Variants in UBR2 observed in about 807,000 individuals in gnomAD.
UBR2 encodes the protein ubiquitin protein ligase E3 component n-recognin 2, also known as E3 ubiquitin-protein ligase UBR2.
Under a neutral mutation model 247.9 loss-of-function variants are expected in UBR2, and 92 were observed. The ratio of observed to expected loss-of-function variants is 0.37; its 90% confidence interval spans 0.31 to 0.44. UBR2 has a LOEUF of 0.44. UBR2 is among the 20% of genes least tolerant of loss of function. The pLI is 1.00. For missense variants in UBR2, 1,613 were observed against 2,112.6 expected (o/e 0.76, Z 4.64); for synonymous variants, 672 against 693.5 (o/e 0.97, Z 0.49).
Position 42,635,465 on chromosome 6 carries a change from A to G in UBR2, c.1593A>G (p.Glu531=), listed in dbSNP as rs1796031079. 1 of 1,613,868 alleles carries G rather than the reference A, an allele frequency of 6.2e-7. No individual in the cohort carries two copies. The highest frequency in any genetic ancestry group is 1.7e-5 in the Admixed American group (1 of 60,002). The change falls in exon 14 of 47, where the codon GAA becomes GAG. Residue 531 remains glutamate (E), a synonymous_variant. Coordinates refer to ENST00000372901, the MANE Select transcript of UBR2 (RefSeq NM_001363705.2). ...AAGTAGGACAACATATTGAAATGGAACCAGAGTGGGAAGCAGCCTTCACAC... is the reference window on the plus strand; with the variant it reads ...AAGTAGGACAACATATTGAAATGGAGCCAGAGTGGGAAGCAGCCTTCACAC... ...TRQVGQHIEM[E]PEWEAAFTLQ... is the part of the protein sequence containing the mutation.
intron 16 of UBR2, 113 bp downstream of exon 16, chr6:42,640,383 G>GGGGTGTGTGTGT (rs1327619830): frequency 5.8e-6 from 1 of 171,016 alleles, no homozygotes; most frequent in Non-Finnish European, 1.0e-5. Context: ...GAACCAGTAA[G>GGGGTGTGTGTGT]GTGTGTGTGT....
rs1242613945 is a variant in UBR2 at position 42,564,099 on chromosome 6, C to G, written c.-221C>G. ...CCCTGGGTCAGGGACGAGCCAGTGA[C>G]TTGACTCTTGGGCGCTAAGCTTGGG... On this transcript the variant is annotated 5_prime_UTR_variant, in exon 1 of 47. Transcript: ENST00000372901. 1.8e-6 allele frequency: 1 copy of G among 559,576 alleles called. No individual in the cohort carries two copies. Among genetic ancestry groups the G allele is most frequent in the Non-Finnish European group, 3.1e-6 (1 of 322,380 alleles). The allele number at this position is 559,576 out of a possible 1,614,324, so 34.7% of individuals were successfully genotyped here. A position where few individuals can be genotyped will look rare whatever the true frequency, so the allele number is the denominator to read the frequency against.
intron 5 of UBR2, 52 bp from the exon 6 acceptor site, chr6:42,605,669 G>T (rs1014134764): frequency 1.0e-5 from 16 of 1,544,980 alleles, no homozygotes; most frequent in African/African-American, 1.4e-5. Context: ...AGTCAGCCTG[G>T]AGCAAGATAA....
Position 42,652,022 on chromosome 6 carries a change from G to A in UBR2, c.2566-1G>A. Reference sequence around the variant, plus strand: ...GTCCAAATAACTTTATTTTTTATTAGGCAGAAGAAGCGCAACGGAAATTGA... The same window carrying A: ...GTCCAAATAACTTTATTTTTTATTAAGCAGAAGAAGCGCAACGGAAATTGA... On this transcript the variant is annotated splice_acceptor_variant, in intron 23 of 46. Coordinates refer to ENST00000372901, the MANE Select transcript of UBR2 (RefSeq NM_001363705.2). LOFTEE classifies it high-confidence loss of function. 6.3e-7 allele frequency: 1 copy of A among 1,590,460 alleles called. No individual in the cohort carries two copies. The highest frequency in any genetic ancestry group is 8.5e-7 in the Non-Finnish European group (1 of 1,171,792).
rs767462564 is a variant in UBR2 at position 42,564,395 on chromosome 6, G to T, written c.76G>T (p.Gly26Trp). The stretch of plus-strand genomic sequence containing the variant: ...GGAATGTTCGGCCGAGGAGATTGCG[G>T]GGGTGAGTGCCGGAACCCGGGCGGG... ...LLECSAEEIA[G>W]KWLQATDLTR... Residue 26 changes from glycine (G) to tryptophan (W), a missense_variant and splice_region_variant, in exon 1 of 47, where the codon GGG (glycine) becomes TGG (tryptophan). Physicochemically the swap from Gly to Trp is radical, Grantham distance 184. Transcript: ENST00000372901. 1.2e-6 allele frequency: 2 copies of T among 1,609,626 alleles called. No individual in the cohort carries two copies. The highest frequency in any genetic ancestry group is 4.5e-5 in the East Asian group (2 of 44,522).
Position 42,665,552 on chromosome 6 carries a change from C to T in UBR2, c.3802+40C>T, listed in dbSNP as rs368044392. The T allele has an allele frequency of 2.0e-5, 28 of 1,435,558 alleles. 1 individual carries two copies. The highest frequency in any genetic ancestry group is 1.9e-4 in the South Asian group (15 of 79,156). 88.9% of individuals were successfully genotyped at this position (1,435,558 alleles called of 1,614,324 possible). A position where few individuals can be genotyped will look rare whatever the true frequency, so the allele number is the denominator to read the frequency against. ...CCTGTTTTCATTTTTCCCTAAAGTC[C>T]GAGGTCATCAGAAAATGTATTTCCA... On this transcript the variant is annotated intron_variant, in intron 33 of 46. Transcript: ENST00000372901.
rs1448054168 is a variant in UBR2 at position 42,612,255 on chromosome 6, CTT to C, written c.952_953del (p.Leu318ValfsTer29). The C allele has an allele frequency of 6.5e-7, 1 of 1,539,776 alleles. No homozygotes were observed. Among genetic ancestry groups the C allele is most frequent in the Non-Finnish European group, 8.9e-7 (1 of 1,127,848 alleles). Reference sequence around the variant, plus strand: ...CGCACATCAGAATTTTGGTTTGAAACTTTTGTCTTGGCTGGGAAGTATTATTG... The same window carrying C: ...CGCACATCAGAATTTTGGTTTGAAACTTGTCTTGGCTGGGAAGTATTATTG... ...IVAHQNFGLK[L>X]LSWLGSIIGY... On this transcript the variant is annotated frameshift_variant, in exon 8 of 47. Coordinates refer to ENST00000372901, the MANE Select transcript of UBR2 (RefSeq NM_001363705.2). LOFTEE classifies it high-confidence loss of function.
chr6:42,662,773 A>G (rs977930605), intron 31 of UBR2, among the ~76,000 whole-genome samples: 2 of 152,170 alleles, frequency 1.3e-5, no homozygotes, highest in Admixed American at 6.5e-5. Context: ...ATGCTCACCC[A>G]GTTATCATGA....
At chr6:42,662,333 T>C in intron 31 of UBR2, 56 bp downstream of exon 31, 1 of 1,120,490 alleles carries the variant, frequency 8.9e-7, no homozygotes, top group Non-Finnish European at 1.3e-6. Flanking sequence ...CTCAATATTT[T>C]TTAAATAGAG....
At chr6:42,632,947 T>C (rs769662483) in intron 13 of UBR2, 43 bp downstream of exon 13, 4 of 1,172,770 alleles carry the variant, frequency 3.4e-6, no homozygotes, top group East Asian at 2.8e-5. Flanking sequence ...TTTTTTTTTT[T>C]TCTCTTTTCT....
At chr6:42,651,060 A>T (rs57537806) in intron 23 of UBR2, among the ~76,000 whole-genome samples, 2,404 of 152,118 alleles carry the variant, frequency 0.016, 56 homozygotes, top group African/African-American at 0.056. Context: ...CATGTCTACT[A>T]AAAATACAAA....
intron 34 of UBR2, among the ~76,000 whole-genome samples, chr6:42,668,479 A>C (rs1798248364): frequency 6.6e-6 from 1 of 152,152 alleles, no homozygotes; most frequent in Non-Finnish European, 1.5e-5. Flanking sequence ...TCACTCTGTC[A>C]TCCAGGCTAG....
At position 42,594,197 on chromosome 6, in the gene UBR2, A is replaced by G; in HGVS notation, c.424A>G (p.Thr142Ala). The G allele has an allele frequency of 3.1e-6, 5 of 1,609,600 alleles. No homozygotes were observed. Among genetic ancestry groups the G allele is most frequent in the Non-Finnish European group, 4.2e-6 (5 of 1,177,750 alleles). ...IHRDHRYRMT[T>A]SGGGGFCDCG... Reference sequence around the variant, plus strand: ...TTTACAATTTTTTTCCAAGATGACAACATCAGGAGGTGGAGGTTTCTGTGA... The same window carrying G: ...TTTACAATTTTTTTCCAAGATGACAGCATCAGGAGGTGGAGGTTTCTGTGA... Residue 142 changes from threonine (T) to alanine (A), a missense_variant, in exon 4 of 47, where the codon ACA becomes GCA. By Grantham distance (58) the Thr-to-Ala change is moderately conservative. This residue lies in a region of UBR2 where 1,524 missense variants were observed against 1,967.3 expected (regional missense o/e 0.77). Coordinates refer to ENST00000372901, the MANE Select transcript of UBR2 (RefSeq NM_001363705.2).
intron 11 of UBR2, among the ~76,000 whole-genome samples, chr6:42,625,697 A>G (rs1258127043): frequency 1.3e-5 from 2 of 152,026 alleles, no homozygotes; most frequent in African/African-American, 4.8e-5. Context: ...TGATCTGCCT[A>G]CCTCAACCTC....
chr6:42,651,992 T>G (rs1797146355), intron 23 of UBR2, 31 bp from the exon 24 acceptor site: 3 of 1,569,624 alleles, frequency 1.9e-6, no homozygotes, highest in South Asian at 2.4e-5. Context: ...CATTACTAAT[T>G]CCCGGTCCAA....
In UBR2 at chr6:42,666,121, A is replaced by G. The variant is rs780932533; in HGVS notation, c.3803-46A>G. On this transcript the variant is annotated intron_variant, in intron 33 of 46. Coordinates refer to ENST00000372901, the MANE Select transcript of UBR2 (RefSeq NM_001363705.2). ...GACCTATATGGCTGTACTTTTAGGA[A>G]TATTGTCATCTATTGAATAATAGTA... is the stretch of plus-strand genomic sequence containing the variant. 15 of 1,508,936 alleles carry G rather than the reference A, an allele frequency of 9.9e-6. 2 individuals carry two copies. The South Asian group carries it at 1.6e-4, about 16-fold the overall frequency. 93.5% of individuals were successfully genotyped at this position (1,508,936 alleles called of 1,614,324 possible). A position where few individuals can be genotyped will look rare whatever the true frequency, so the allele number is the denominator to read the frequency against.
intron 8 of UBR2, among the ~76,000 whole-genome samples, chr6:42,613,617 G>A (rs927261003): frequency 2.0e-5 from 3 of 151,876 alleles, no homozygotes; most frequent in East Asian, 3.9e-4. Flanking sequence ...TTAGTCCTAT[G>A]TTCTTTATTT....
At chr6:42,653,560 T>C (rs1423035012) in intron 25 of UBR2, among the ~76,000 whole-genome samples, 1 of 151,740 alleles carries the variant, frequency 6.6e-6, no homozygotes, top group Non-Finnish European at 1.5e-5. Flanking sequence ...ATAACAATTA[T>C]TCATTAAATA....
At chr6:42,609,262 G>T (rs189256334) in intron 7 of UBR2, among the ~76,000 whole-genome samples, 1 of 152,270 alleles carries the variant, frequency 6.6e-6, no homozygotes, top group East Asian at 1.9e-4. Context: ...AGTGTGTTCA[G>T]TACAGTACTG....
Sources: gnomAD v4.1 joint callset for allele counts (sites outside exome capture counted in the v4.1 genomes callset) on GRCh38, gnomAD v4.1.1 for gene constraint, gnomAD v4.1.1 regional missense constraint, MANE v1.5 for transcripts, NCBI Gene and HGNC (gene_info 2026-07-23, HGNC 2026-07-21) for gene names.